The following PTPA variants were observed in gnomAD, a reference collection of about 807,000 sequenced individuals.
The protein encoded by PTPA is serine/threonine-protein phosphatase 2A activator.
Under a neutral mutation model 43.6 loss-of-function variants are expected in PTPA, and 13 were observed. The observed-to-expected ratio is 0.30, with a 90% CI of 0.19 to 0.47. The LOEUF is 0.47. Ranked by LOEUF, PTPA falls within the 20% of genes least tolerant of loss-of-function variation. The pLI is 0.99. For synonymous variants in PTPA, 172 were observed against 158.2 expected, an observed-to-expected ratio of 1.09 and a Z score of -0.66; for missense variants, 329 against 411.9, an observed-to-expected ratio of 0.80 and a Z score of 1.74.
rs145456398 is a variant in PTPA, at chr9:129,129,142, G to A, written c.342+32G>A. The A allele has an allele frequency of 5.2e-5, 84 of 1,607,992 alleles. No homozygotes were observed. The East Asian group carries it at 1.8e-3, about 35-fold the overall frequency. Reference sequence around the variant, plus strand: ...CTGCCACAGGACAGGCCAGGGACTGGGCTGGCAGTGAGGGTGGTTCTGGCA... The same window carrying A: ...CTGCCACAGGACAGGCCAGGGACTGAGCTGGCAGTGAGGGTGGTTCTGGCA... On this transcript the variant is annotated intron_variant, in intron 4 of 9. Coordinates refer to ENST00000393370, the MANE Select transcript of PTPA (RefSeq NM_178000.3).
Position 129,115,697 on chromosome 9 carries a change from T to C in PTPA, c.31+4066T>C, listed in dbSNP as rs185992848. Among the ~76,000 whole-genome samples, 234 of 151,998 alleles carry C rather than the reference T, an allele frequency of 1.5e-3. 1 individual carries two copies. Among genetic ancestry groups the C allele is most frequent in the Non-Finnish European group, 2.5e-3 (173 of 67,970 alleles). On this transcript the variant is annotated intron_variant, in intron 1 of 9. Coordinates refer to ENST00000393370, the MANE Select transcript of PTPA (RefSeq NM_178000.3). ...TCTTGTTGCCCAGGCTGGAGTACAG[T>C]GGCGTGATCTTGGCTCACTGTAACC...
At position 129,120,672 on chromosome 9, in the gene PTPA, G is replaced by C. The variant is rs1001566386; in HGVS notation, c.129+62G>C. On this transcript the variant is annotated intron_variant, in intron 2 of 9. Coordinates refer to ENST00000393370, the MANE Select transcript of PTPA (RefSeq NM_178000.3). The stretch of plus-strand genomic sequence containing the variant: ...TCAAAGACAGTGGTTTTCCTAGCAT[G>C]ACGGGCGGTGAGTTCCTGGCCCTTC... 3 of 1,455,830 alleles carry C rather than the reference G, an allele frequency of 2.1e-6. No individual in the cohort carries two copies. In the African/African-American group the frequency reaches 4.2e-5, roughly 21 times the overall value. 90.2% of individuals were successfully genotyped at this position (1,455,830 alleles called of 1,614,324 possible).
rs117629670 is a variant in PTPA, at chr9:129,125,517, G to C, written c.216+2379G>C. ...TTTGTCCTCCCAAAGTGCTGGGATT[G>C]CAGGCGTGAGCTGCTGCGCCCGGCC... On this transcript the variant is annotated intron_variant, in intron 3 of 9. Transcript: ENST00000393370. Among the ~76,000 whole-genome samples the C allele has an allele frequency of 7.9e-4, 120 of 152,284 alleles. 1 individual carries two copies. In the East Asian group the frequency reaches 0.023, roughly 29 times the overall value.
intron 4 of PTPA, 84 bp from the exon 5 acceptor site, chr9:129,131,438 C>G: frequency 8.1e-7 from 1 of 1,229,728 alleles, no homozygotes; most frequent in Non-Finnish European, 1.2e-6. Flanking sequence ...GTGTGGGCCC[C>G]CAGTCAGGTG....
At chr9:129,130,935 C>G (rs1394441252) in intron 4 of PTPA, among the ~76,000 whole-genome samples, 1 of 152,168 alleles carries the variant, frequency 6.6e-6, no homozygotes, top group African/African-American at 2.4e-5. Context: ...AACTCTCTGG[C>G]TTCTTTTGCT....
chr9:129,137,875 C>T (rs1850484246), intron 8 of PTPA, 183 bp downstream of exon 8: 1 of 650,672 alleles, frequency 1.5e-6, no homozygotes, highest in African/African-American at 1.8e-5. Context: ...TGCTGACTGT[C>T]AGGTCCTCCG....
intron 8 of PTPA, among the ~76,000 whole-genome samples, chr9:129,140,631 C>G (rs1384958155): frequency 6.6e-6 from 1 of 152,216 alleles, no homozygotes; most frequent in East Asian, 1.9e-4. Context: ...CGGGCAGGCC[C>G]CTGGCAGACA....
chr9:129,118,566 T>C (rs2131548210), intron 1 of PTPA, among the ~76,000 whole-genome samples: 1 of 152,064 alleles, frequency 6.6e-6, no homozygotes, highest in Middle Eastern at 3.4e-3. Context: ...AGAAATGGGG[T>C]TTCACTATGT....
intron 8 of PTPA, chr9:129,142,187 C>T (rs1404192859): frequency 2.5e-6 from 1 of 393,490 alleles, no homozygotes; most frequent in African/African-American, 2.1e-5. Context: ...GGTAGGTGGG[C>T]AAGGAATGTT....
chr9:129,147,256 C>A, intron 9 of PTPA, 131 bp from the exon 10 acceptor site: 2 of 795,100 alleles, frequency 2.5e-6, no homozygotes, highest in Non-Finnish European at 4.2e-6. Context: ...GGGAGGAAGG[C>A]CTGGGGGATC....
chr9:129,124,732 C>A (rs546485005), intron 3 of PTPA, among the ~76,000 whole-genome samples: 2 of 152,346 alleles, frequency 1.3e-5, no homozygotes, highest in African/African-American at 4.8e-5. Context: ...ATCTCAGACA[C>A]CAGGGCCTGA....
chr9:129,143,546 A>G, intron 9 of PTPA: 3 of 673,402 alleles, frequency 4.5e-6, no homozygotes, highest in Non-Finnish European at 8.1e-6. Flanking sequence ...GCCAGAGGCC[A>G]GCGGGGTGGG....
At chr9:129,145,062 G>A (rs568065100) in intron 9 of PTPA, among the ~76,000 whole-genome samples, 1 of 150,820 alleles carries the variant, frequency 6.6e-6, no homozygotes, top group Non-Finnish European at 1.5e-5. Context: ...TGGGTGCGGT[G>A]GCTCATGCCT....
At chr9:129,116,528 A>C (rs1465283850) in intron 1 of PTPA, among the ~76,000 whole-genome samples, 1 of 151,910 alleles carries the variant, frequency 6.6e-6, no homozygotes, top group Non-Finnish European at 1.5e-5. Flanking sequence ...CTGGGACTAA[A>C]GCACCCGCCA....
At chr9:129,137,816 G>A in intron 8 of PTPA, 124 bp downstream of exon 8, 2 of 911,740 alleles carry the variant, frequency 2.2e-6, no homozygotes, top group Non-Finnish European at 3.5e-6. Flanking sequence ...GCCGGCCGGA[G>A]CGGGTTATTG....
chr9:129,145,887 A>T (rs1223830488), intron 9 of PTPA, among the ~76,000 whole-genome samples: 1 of 151,988 alleles, frequency 6.6e-6, no homozygotes, highest in African/African-American at 2.4e-5. Context: ...GGTACATGGG[A>T]GGGCCTTGCT....
At chr9:129,111,011 CA>C (rs1564176394), upstream of PTPA, 14 of 1,370,584 alleles carry the variant, frequency 1.0e-5, no homozygotes, top group African/African-American at 2.1e-4. Context: ...CCTGTCCCCA[CA>C]TGTCTTCTAA....
intron 1 of PTPA, 148 bp downstream of exon 1, chr9:129,111,779 C>T (rs961481133): frequency 8.9e-6 from 11 of 1,233,964 alleles, no homozygotes; most frequent in Non-Finnish European, 1.1e-5. Context: ...AGTTGAATGG[C>T]CTTAGGGGAG....
chr9:129,118,693 A>T (rs535310038), intron 1 of PTPA, among the ~76,000 whole-genome samples: 6 of 150,620 alleles, frequency 4.0e-5, no homozygotes, highest in Admixed American at 1.3e-4. Context: ...TTTTTTTTTT[A>T]AAGTAGAGAT....
Sources: gnomAD v4.1 joint callset for allele counts (sites outside exome capture counted in the v4.1 genomes callset) on GRCh38, gnomAD v4.1.1 for gene constraint, MANE v1.5 for transcripts, NCBI Gene and HGNC (gene_info 2026-07-23, HGNC 2026-07-21) for gene names.